CPQ: variants seen among roughly 807,000 people sequenced by gnomAD.
CPQ encodes carboxypeptidase Q, also known as Ser-Met dipeptidase.
A neutral mutation model predicts 45.7 loss-of-function variants in CPQ; 37 were observed. The ratio of observed to expected loss-of-function variants is 0.81; its 90% CI spans 0.62 to 1.07. CPQ has a LOEUF of 1.07. Among genes scored for constraint, CPQ ranks in the 50% least tolerant of loss-of-function variants. The pLI is 0.00. For synonymous variants in CPQ, 186 were observed against 205.8 expected (o/e 0.90, Z 0.82); for missense variants, 537 against 572.9 (o/e 0.94, Z 0.64).
intron 7 of CPQ, among the ~76,000 whole-genome samples, chr8:97,140,862 T>C (rs1450801133): frequency 6.6e-6 from 1 of 151,864 alleles, no homozygotes; most frequent in Non-Finnish European, 1.5e-5. Context: ...GATAGACAAA[T>C]AGATCACTGA....
rs573254573 is a variant in CPQ, at chr8:96,936,546, A to C, written c.850-29389A>C. 2.6e-5 allele frequency among the ~76,000 whole-genome samples: 4 copies of C among 152,336 alleles called. No homozygotes were observed. The South Asian group carries it at 8.3e-4, about 32-fold the overall frequency. Reference sequence around the variant, plus strand: ...TGAGATAATTCAGCACAGAGGAACCAGTACAGGTCTCTGATAGCTGTACCA... The same window carrying C: ...TGAGATAATTCAGCACAGAGGAACCCGTACAGGTCTCTGATAGCTGTACCA... On this transcript the variant is annotated intron_variant, in intron 4 of 7. Coordinates refer to ENST00000220763, the MANE Select transcript of CPQ (RefSeq NM_016134.4).
intron 1 of CPQ, among the ~76,000 whole-genome samples, chr8:96,653,172 A>G (rs532086065): frequency 3.3e-5 from 5 of 151,474 alleles, no homozygotes; most frequent in African/African-American, 1.2e-4. Context: ...CAAGCAATCT[A>G]CTCTCCTTGG....
chr8:96,751,742 AT>A (rs1403806649), intron 1 of CPQ, among the ~76,000 whole-genome samples: 1 of 151,888 alleles, frequency 6.6e-6, no homozygotes, highest in African/African-American at 2.4e-5. Flanking sequence ...TATTGCCTAG[AT>A]TTTGTTCTAG....
At chr8:97,039,675 T>G (rs1377532163) in intron 6 of CPQ, among the ~76,000 whole-genome samples, 3 of 148,366 alleles carry the variant, frequency 2.0e-5, no homozygotes, top group Admixed American at 1.3e-4. Flanking sequence ...GATGTTCCCC[T>G]TCCTGTGTCC....
At chr8:96,729,063 C>A (rs1309306598) in intron 1 of CPQ, among the ~76,000 whole-genome samples, 1 of 152,058 alleles carries the variant, frequency 6.6e-6, no homozygotes, top group Non-Finnish European at 1.5e-5. Context: ...GATTTGCATC[C>A]CATTAAATCT....
At chr8:96,941,179 G>GTGCTGCTGCTGCTGC (rs951290332) in intron 4 of CPQ, among the ~76,000 whole-genome samples, 1 of 151,840 alleles carries the variant, frequency 6.6e-6, no homozygotes, top group African/African-American at 2.4e-5. Context: ...GAGTGCCCTG[G>GTGCTGCTGCTGCTGC]TGCTGCTGCT....
chr8:96,796,475 T>TCAC (rs1214245016), intron 2 of CPQ, among the ~76,000 whole-genome samples: 1 of 152,218 alleles, frequency 6.6e-6, no homozygotes, highest in Non-Finnish European at 1.5e-5. Flanking sequence ...CATTGATATA[T>TCAC]CACCTTCTTT....
intron 4 of CPQ, among the ~76,000 whole-genome samples, chr8:96,963,574 A>G (rs1401671769): frequency 6.6e-6 from 1 of 152,168 alleles, no homozygotes; most frequent in Non-Finnish European, 1.5e-5. Context: ...TGCTTTCCCA[A>G]AGTCATGGGT....
chr8:97,112,005 G>T (rs1036776413), intron 7 of CPQ, among the ~76,000 whole-genome samples: 9 of 152,088 alleles, frequency 5.9e-5, no homozygotes, highest in Admixed American at 5.2e-4. Context: ...GAAAATGGCA[G>T]CTGGAGAACC....
At chr8:97,112,797 A>G (rs180970358) in intron 7 of CPQ, among the ~76,000 whole-genome samples, 9 of 152,330 alleles carry the variant, frequency 5.9e-5, no homozygotes, top group African/African-American at 1.7e-4. Context: ...GATGGCGTAC[A>G]TGGAGGCACT....
At chr8:96,873,546 T>C (rs1812107249) in intron 3 of CPQ, among the ~76,000 whole-genome samples, 1 of 151,762 alleles carries the variant, frequency 6.6e-6, no homozygotes, top group Non-Finnish European at 1.5e-5. Context: ...CCAAGAGTTA[T>C]TTTAAAGTTG....
chr8:96,734,711 AAAAATAAAAT>A (rs199655853), intron 1 of CPQ, among the ~76,000 whole-genome samples: 10 of 146,656 alleles, frequency 6.8e-5, no homozygotes, highest in East Asian at 2.0e-4. Flanking sequence ...ACTCCATCTC[AAAAATAAAAT>A]AAAATAAAAT....
At chr8:96,719,230 C>G (rs1017069751) in intron 1 of CPQ, among the ~76,000 whole-genome samples, 4 of 152,226 alleles carry the variant, frequency 2.6e-5, no homozygotes, top group East Asian at 3.9e-4. Context: ...AGCCCTGCCC[C>G]GCAGGAAGGC....
chr8:97,077,752 T>G (rs1379352355), intron 7 of CPQ, among the ~76,000 whole-genome samples: 1 of 152,138 alleles, frequency 6.6e-6, no homozygotes, highest in Non-Finnish European at 1.5e-5. Context: ...TCCAAAAAAT[T>G]TGTGGAAAAA....
At chr8:96,788,163 CTTT>C (rs546288408) in intron 2 of CPQ, among the ~76,000 whole-genome samples, 1 of 140,252 alleles carries the variant, frequency 7.1e-6, no homozygotes, top group African/African-American at 2.6e-5. Context: ...TTCTTTCTTC[CTTT>C]TTTTTTTTTG....
chr8:96,780,197 T>G lies in CPQ; in HGVS notation c.-34-4667T>G, dbSNP rs113718421. On this transcript the variant is annotated intron_variant, in intron 1 of 7. Coordinates refer to ENST00000220763, the MANE Select transcript of CPQ (RefSeq NM_016134.4). ...AGGGAGACAGGTTTATAAACAAACATATTAGCTGATAGCATAGTTAATTAT... is the reference window on the plus strand; with the variant it reads ...AGGGAGACAGGTTTATAAACAAACAGATTAGCTGATAGCATAGTTAATTAT... Among the ~76,000 whole-genome samples the G allele has an allele frequency of 4.7e-3, 710 of 152,318 alleles. 5 individuals are homozygous for G. The highest frequency in any genetic ancestry group is 0.016 in the African/African-American group (655 of 41,578).
At chr8:97,130,089 G>A (rs1048343489) in intron 7 of CPQ, among the ~76,000 whole-genome samples, 5 of 152,162 alleles carry the variant, frequency 3.3e-5, no homozygotes, top group African/African-American at 7.2e-5. Flanking sequence ...TCAGCTATAC[G>A]AAATTATTAA....
At chr8:96,938,908 G>C (rs1192707952) in intron 4 of CPQ, among the ~76,000 whole-genome samples, 2 of 152,178 alleles carry the variant, frequency 1.3e-5, no homozygotes, top group Non-Finnish European at 2.9e-5. Context: ...ATGAGATTGT[G>C]CTGTAGTACG....
At chr8:96,851,863 G>A (rs1362292980) in intron 3 of CPQ, among the ~76,000 whole-genome samples, 1 of 152,140 alleles carries the variant, frequency 6.6e-6, no homozygotes, top group Non-Finnish European at 1.5e-5. Context: ...TTCCTGTGAG[G>A]CCCATTTGTT....
Sources: allele counts gnomAD v4.1 joint callset (sites outside exome capture counted in the v4.1 genomes callset), GRCh38; gene constraint gnomAD v4.1.1; transcripts MANE v1.5; gene names NCBI Gene and HGNC (gene_info 2026-07-23, HGNC 2026-07-21).